The following SUN1 variants were observed in gnomAD, a reference collection of about 807,000 sequenced individuals.
SUN1 encodes the protein Sad1 and UNC84 domain containing 1, also known as SUN domain-containing protein 1.
Under a neutral mutation model 103.2 loss-of-function variants are expected in SUN1, and 61 were observed. The ratio of observed to expected loss-of-function variants is 0.59; its 90% CI spans 0.48 to 0.73. The LOEUF is 0.73. Ranked by LOEUF, SUN1 falls within the 30% of genes least tolerant of loss-of-function variation. The pLI is 0.00. For missense variants in SUN1, 1,052 were observed against 1,034.6 expected, an observed-to-expected ratio of 1.02 and a Z score of -0.23; for synonymous variants, 490 against 425.7, an observed-to-expected ratio of 1.15 and a Z score of -1.86.
rs149606084 is a variant in SUN1 at position 855,275 on chromosome 7, C to T, written c.1350+269C>T. On this transcript the variant is annotated intron_variant, in intron 11 of 18. Transcript: ENST00000401592. The stretch of plus-strand genomic sequence containing the variant: ...AGGAGGTGGTTCTGCCGATTCCAGG[C>T]GGCCTCTGGGTTCCCATCCAGCTCT... 3.9e-4 allele frequency among the ~76,000 whole-genome samples: 60 copies of T among 152,338 alleles called. No homozygotes were observed. The East Asian group carries it at 0.01, about 26-fold the overall frequency.
chr7:861,002 G>A (rs1405814962), intron 14 of SUN1, among the ~76,000 whole-genome samples: 1 of 152,214 alleles, frequency 6.6e-6, no homozygotes, highest in Non-Finnish European at 1.5e-5. Flanking sequence ...ATGAGATCTG[G>A]TTGGGACACA....
At chr7:862,210 T>C (rs1832769436) in intron 15 of SUN1, among the ~76,000 whole-genome samples, 1 of 152,190 alleles carries the variant, frequency 6.6e-6, no homozygotes, top group African/African-American at 2.4e-5. Flanking sequence ...AAATAGGGGC[T>C]GGGGGACTCA....
chr7:853,970 A>G, intron 10 of SUN1, among the ~76,000 whole-genome samples: 1 of 151,720 alleles, frequency 6.6e-6, no homozygotes. Context: ...TGCAGACAGG[A>G]CAGCCGCTGA....
chr7:845,346 G>A (rs976154666), intron 5 of SUN1, among the ~76,000 whole-genome samples: 2 of 152,214 alleles, frequency 1.3e-5, no homozygotes, highest in African/African-American at 2.4e-5. Flanking sequence ...GTGTTTTGGG[G>A]GAGAAAACAA....
At chr7:852,219 A>G (rs1370534952) in intron 7 of SUN1, 176 bp downstream of exon 7, 2 of 657,022 alleles carry the variant, frequency 3.0e-6, no homozygotes, top group Admixed American at 5.9e-5. Flanking sequence ...GTGAGATAAG[A>G]AAAGCAGATA....
At position 852,850 on chromosome 7, in the gene SUN1, C is replaced by A. The variant is rs759401895; in HGVS notation, c.951C>A (p.Phe317Leu). 3.7e-6 allele frequency: 6 copies of A among 1,613,680 alleles called. No individual in the cohort carries two copies. The East Asian group carries it at 1.3e-4, about 36-fold the overall frequency. The change falls in exon 9 of 19, where the codon TTC (phenylalanine) becomes TTA (leucine). Residue 317 changes from phenylalanine to leucine, a missense_variant. Coordinates refer to ENST00000401592, the MANE Select transcript of SUN1 (RefSeq NM_001130965.3). ...SLRGQGNFFSFLPVLNWASMH... is the reference protein window; with the variant it reads ...SLRGQGNFFSLLPVLNWASMH... Reference sequence around the variant, plus strand: ...GGGGCCAGGGCAATTTCTTTTCGTTCTTGCCCGTGTTGAACTGGGCAAGCA... The same window carrying A: ...GGGGCCAGGGCAATTTCTTTTCGTTATTGCCCGTGTTGAACTGGGCAAGCA...
intron 1 of SUN1, among the ~76,000 whole-genome samples, chr7:823,911 G>T (rs1367207302): frequency 6.6e-6 from 1 of 152,206 alleles, no homozygotes; most frequent in Non-Finnish European, 1.5e-5. Context: ...AACGATGCCT[G>T]TGTACCAACT....
At position 852,994 on chromosome 7, in the gene SUN1, G is replaced by A. The variant is rs751188313; in HGVS notation, c.1053+42G>A. ...GCCTCTCAGCTGGCACTGCACATGTGAGGTCTTCAGGGACGTTCCACACTG... is the reference window on the plus strand; with the variant it reads ...GCCTCTCAGCTGGCACTGCACATGTAAGGTCTTCAGGGACGTTCCACACTG... On this transcript the variant is annotated intron_variant, in intron 9 of 18. Coordinates refer to ENST00000401592, the MANE Select transcript of SUN1 (RefSeq NM_001130965.3). 4 of 1,583,132 alleles carry A rather than the reference G, an allele frequency of 2.5e-6. No individual in the cohort carries two copies. The East Asian group carries it at 6.7e-5, about 27-fold the overall frequency.
intron 5 of SUN1, among the ~76,000 whole-genome samples, chr7:846,533 C>T (rs1265743876): frequency 6.6e-6 from 1 of 151,780 alleles, no homozygotes; most frequent in Non-Finnish European, 1.5e-5. Context: ...TGAGATCATA[C>T]CACTGCACTT....
chr7:859,777 G>A (rs937001982), intron 13 of SUN1, among the ~76,000 whole-genome samples: 2 of 152,202 alleles, frequency 1.3e-5, no homozygotes, highest in African/African-American at 4.8e-5. Context: ...CAAGTTTGTT[G>A]ATGGCAGGGC....
At chr7:853,689 T>C (rs1824318171) in intron 10 of SUN1, 71 bp downstream of exon 10, 2 of 1,519,394 alleles carry the variant, frequency 1.3e-6, no homozygotes, top group Non-Finnish European at 8.9e-7. Context: ...TCTCTCCTTT[T>C]GGGAGACAGA....
chr7:865,211 G>A (rs989933365), intron 15 of SUN1, among the ~76,000 whole-genome samples: 2 of 151,878 alleles, frequency 1.3e-5, no homozygotes, highest in Admixed American at 6.6e-5. Context: ...CGGTTCAAGC[G>A]ATTCTCCTGC....
intron 5 of SUN1, among the ~76,000 whole-genome samples, chr7:844,759 G>A (rs1018238400): frequency 3.9e-5 from 6 of 152,130 alleles, no homozygotes; most frequent in East Asian, 3.9e-4. Flanking sequence ...GGGTGATCAC[G>A]GCAGCCCCCT....
chr7:856,902 C>T (rs987113994), intron 12 of SUN1, among the ~76,000 whole-genome samples: 2 of 152,150 alleles, frequency 1.3e-5, no homozygotes, highest in African/African-American at 2.4e-5. Flanking sequence ...TTGTGCTGGG[C>T]GTGTCACGGT....
chr7:827,692 T>A (rs1346212762), upstream of SUN1, among the ~76,000 whole-genome samples: 1 of 151,706 alleles, frequency 6.6e-6, no homozygotes, highest in Non-Finnish European at 1.5e-5. Flanking sequence ...GGTCTCGATC[T>A]CCTGACCTTG....
chr7:850,359 C>G (rs1584818889), intron 5 of SUN1: 1 of 255,916 alleles, frequency 3.9e-6, no homozygotes, highest in South Asian at 5.8e-5. Context: ...CCACCACACC[C>G]AGATAATTTT....
intron 14 of SUN1, 96 bp from the exon 15 acceptor site, chr7:861,284 C>T (rs1001329094): frequency 1.1e-5 from 13 of 1,220,778 alleles, no homozygotes; most frequent in Non-Finnish European, 3.6e-6. Context: ...AGAAGATGCT[C>T]TAATGTAAGT....
rs999482635 is a variant in SUN1, at chr7:864,431, G to T, written c.1865-1521G>T. 2.6e-5 allele frequency among the ~76,000 whole-genome samples: 4 copies of T among 151,792 alleles called. No individual in the cohort carries two copies. The South Asian group carries it at 6.3e-4, about 24-fold the overall frequency. ...TATCCGGGTGTGGTGGCACATGCCT[G>T]TAATCCCAGCTACTCGGGAGGCTGA... On this transcript the variant is annotated intron_variant, in intron 15 of 18. Transcript: ENST00000401592.
intron 5 of SUN1, among the ~76,000 whole-genome samples, chr7:848,926 A>G (rs1819162889): frequency 1.3e-5 from 2 of 152,204 alleles, no homozygotes; most frequent in Admixed American, 1.3e-4. Context: ...ACTTTACCTG[A>G]GTGGTATTTA....
Sources: gnomAD v4.1 joint callset for allele counts (sites outside exome capture counted in the v4.1 genomes callset) on GRCh38, gnomAD v4.1.1 for gene constraint, MANE v1.5 for transcripts, NCBI Gene and HGNC (gene_info 2026-07-23, HGNC 2026-07-21) for gene names.